WDR72: variants seen among roughly 807,000 people sequenced by gnomAD.
WDR72 encodes the protein WD repeat domain 72, also known as WD repeat-containing protein 72.
WDR72 carries 120 observed loss-of-function variants against 124.2 expected under a neutral mutation model. The observed-to-expected ratio is 0.97, with a 90% CI of 0.83 to 1.12. The LOEUF (loss-of-function observed/expected upper bound fraction) is 1.12. Ranked by LOEUF, WDR72 falls within the 50% of genes most tolerant of loss-of-function variation. The pLI, the probability that WDR72 is intolerant of heterozygous loss-of-function variation, is 0.00. For synonymous variants in WDR72, 452 were observed against 441.7 expected (o/e 1.02, Z -0.29); for missense variants, 1,387 against 1,278.8 (o/e 1.08, Z -1.29).
At chr15:53,704,955 T>A (rs1428278336) in intron 11 of WDR72, 33 bp downstream of exon 11, 7 of 1,611,118 alleles carry the variant, frequency 4.3e-6, no homozygotes, top group Admixed American at 1.7e-5. Context: ...TTTAGATAAA[T>A]CAAATAAATA....
At chr15:53,760,967 T>G (rs2019052625), upstream of WDR72, among the ~76,000 whole-genome samples, 1 of 151,896 alleles carries the variant, frequency 6.6e-6, no homozygotes, top group Non-Finnish European at 1.5e-5. Context: ...CTACTGAAAA[T>G]GCAAAAATTA....
intron 18 of WDR72, among the ~76,000 whole-genome samples, chr15:53,563,421 A>G (rs1393979342): frequency 2.0e-5 from 3 of 151,868 alleles, no homozygotes; most frequent in Non-Finnish European, 4.4e-5. Flanking sequence ...AAGGAAAGCA[A>G]GATCTGCCTG....
chr15:53,723,650 C>A (rs1390644218), intron 2 of WDR72, among the ~76,000 whole-genome samples: 1 of 152,162 alleles, frequency 6.6e-6, no homozygotes, highest in Non-Finnish European at 1.5e-5. Flanking sequence ...CACCCCATGC[C>A]CCATCACTTA....
intron 9 of WDR72, among the ~76,000 whole-genome samples, chr15:53,707,953 T>C (rs1042988049): frequency 5.3e-5 from 8 of 152,158 alleles, no homozygotes; most frequent in Admixed American, 5.2e-4. Flanking sequence ...CTCGAGTTGG[T>C]GGCAGCACAA....
intron 3 of WDR72, among the ~76,000 whole-genome samples, chr15:53,720,063 GATTT>G (rs2017831081): frequency 6.6e-6 from 1 of 151,814 alleles, no homozygotes; most frequent in Non-Finnish European, 1.5e-5. Context: ...ATTTTATTCA[GATTT>G]ATTCTACTAA....
intron 18 of WDR72, among the ~76,000 whole-genome samples, chr15:53,583,781 T>G (rs1345729451): frequency 6.6e-6 from 1 of 151,936 alleles, no homozygotes; most frequent in Non-Finnish European, 1.5e-5. Flanking sequence ...GAAAGAAACA[T>G]AAGTCAATGG....
chr15:53,612,839 G>A (rs1368024518), intron 16 of WDR72, among the ~76,000 whole-genome samples: 5 of 151,946 alleles, frequency 3.3e-5, no homozygotes, highest in Admixed American at 1.3e-4. Context: ...TAGGAACAGA[G>A]AGATGATCAG....
intron 14 of WDR72, among the ~76,000 whole-genome samples, chr15:53,661,751 CAA>C (rs1041144147): frequency 2.2e-4 from 34 of 151,958 alleles, no homozygotes; most frequent in Non-Finnish European, 3.5e-4. Context: ...TCTACATAAC[CAA>C]AATAGAATTT....
chr15:53,612,721 C>A (rs914360864), intron 16 of WDR72, among the ~76,000 whole-genome samples: 4 of 152,042 alleles, frequency 2.6e-5, no homozygotes, highest in Admixed American at 2.6e-4. Flanking sequence ...TTATTCTGAG[C>A]GAAACAGAAG....
chr15:53,571,056 T>C (rs147022171), intron 18 of WDR72, among the ~76,000 whole-genome samples: 1 of 152,098 alleles, frequency 6.6e-6, no homozygotes, highest in East Asian at 1.9e-4. Flanking sequence ...AGCCAAATAC[T>C]GCATGTTCTC....
At chr15:53,679,347 T>C (rs1303606509) in intron 13 of WDR72, among the ~76,000 whole-genome samples, 3 of 152,226 alleles carry the variant, frequency 2.0e-5, no homozygotes, top group African/African-American at 7.2e-5. Flanking sequence ...TCTTTGTTTA[T>C]ATTTTACCAC....
At chr15:53,585,667 T>G (rs1399791918) in intron 18 of WDR72, among the ~76,000 whole-genome samples, 1 of 152,006 alleles carries the variant, frequency 6.6e-6, no homozygotes, top group African/African-American at 2.4e-5. Context: ...TCAGGCTCTA[T>G]CAGCCTAACA....
Position 53,592,361 on chromosome 15 carries a change from C to T in WDR72, c.3148+4718G>A, listed in dbSNP as rs186664672. ...ATAATGGCAGTCAGGGAAGAGTTTC[C>T]CTGTAGGGTAGTCACAAAGCCTTTC... is the stretch of plus-strand genomic sequence containing the variant. On this transcript the variant is annotated intron_variant, in intron 18 of 19. Transcript: ENST00000360509. Among the ~76,000 whole-genome samples, 547 of 151,960 alleles carry T rather than the reference C, an allele frequency of 3.6e-3. 2 individuals carry two copies. The highest frequency in any genetic ancestry group is 0.013 in the African/African-American group (523 of 41,466).
At chr15:53,597,429 T>C (rs1296301176) in intron 17 of WDR72, among the ~76,000 whole-genome samples, 155 bp from the exon 18 acceptor site, 2 of 152,174 alleles carry the variant, frequency 1.3e-5, no homozygotes, top group East Asian at 3.9e-4. Flanking sequence ...ACAACTGAAA[T>C]GTGGGTAGCA....
intron 17 of WDR72, among the ~76,000 whole-genome samples, chr15:53,597,710 T>A (rs767554997): frequency 1.3e-5 from 2 of 152,208 alleles, no homozygotes; most frequent in Non-Finnish European, 2.9e-5. Context: ...TAAACTATGC[T>A]TTACACAGAA....
At position 53,581,062 on chromosome 15, in the gene WDR72, G is replaced by A. The variant is rs555687253; in HGVS notation, c.3148+16017C>T. 2.6e-3 allele frequency among the ~76,000 whole-genome samples: 341 copies of A among 131,930 alleles called. 2 individuals are homozygous for A. The highest frequency in any genetic ancestry group is 8.5e-3 in the African/African-American group (330 of 39,042). 86.6% of individuals were successfully genotyped at this position (131,930 alleles called of 152,430 possible). ...TAAACTTGGAAACCATAAACACATT[G>A]ACTGACTTATGCTCTCAAACAACAG... On this transcript the variant is annotated intron_variant, in intron 18 of 19. Transcript: ENST00000360509.
chr15:53,709,141 C>G (rs944694504), intron 9 of WDR72, among the ~76,000 whole-genome samples: 7 of 152,172 alleles, frequency 4.6e-5, no homozygotes, highest in Non-Finnish European at 1.0e-4. Context: ...ACCACAATGC[C>G]TTCATTACTT....
At chr15:53,758,627 G>C (rs908060234) in intron 1 of WDR72, among the ~76,000 whole-genome samples, 24 of 152,196 alleles carry the variant, frequency 1.6e-4, no homozygotes, top group African/African-American at 5.8e-4. Flanking sequence ...TGTAAGTGGT[G>C]AGAGCTGAAC....
At chr15:53,564,915 G>T in intron 18 of WDR72, among the ~76,000 whole-genome samples, 1 of 151,878 alleles carries the variant, frequency 6.6e-6, no homozygotes, top group East Asian at 1.9e-4. Context: ...TGAGTTGACA[G>T]ATTCAGTGCT....
Sources: gnomAD v4.1 joint callset for allele counts (sites outside exome capture counted in the v4.1 genomes callset) on GRCh38, gnomAD v4.1.1 for gene constraint, MANE v1.5 for transcripts, NCBI Gene and HGNC (gene_info 2026-07-23, HGNC 2026-07-21) for gene names.